ADAM12: variants seen among roughly 807,000 people sequenced by gnomAD.
The protein encoded by ADAM12 is ADAM metallopeptidase domain 12.
ADAM12 carries 70 observed loss-of-function variants against 106.4 expected under a neutral mutation model. The observed-to-expected ratio is 0.66, with a 90% CI of 0.54 to 0.80. The LOEUF is 0.80. Ranked by LOEUF, ADAM12 falls within the 30% of genes least tolerant of loss-of-function variation. The pLI is 0.00. For synonymous variants in ADAM12, 420 were observed against 433.5 expected (o/e 0.97, Z 0.39); for missense variants, 1,010 against 1,171.9 (o/e 0.86, Z 2.02).
chr10:126,058,090 G>T (rs1954672126), intron 14 of ADAM12, among the ~76,000 whole-genome samples: 1 of 152,146 alleles, frequency 6.6e-6, no homozygotes. Context: ...GGGCTCCCGT[G>T]TCCTTCAGGG....
intron 2 of ADAM12, among the ~76,000 whole-genome samples, chr10:126,307,014 C>G (rs769417455): frequency 1.4e-4 from 21 of 152,126 alleles, no homozygotes; most frequent in Non-Finnish European, 2.8e-4. Context: ...CACTTTTCAC[C>G]GTTCCATGTG....
chr10:126,369,170 G>A (rs931436699), intron 1 of ADAM12, among the ~76,000 whole-genome samples: 1 of 152,026 alleles, frequency 6.6e-6, no homozygotes, highest in Non-Finnish European at 1.5e-5. Context: ...TACATGAAAG[G>A]TTGTACAAAC....
intron 2 of ADAM12, among the ~76,000 whole-genome samples, chr10:126,317,235 C>A (rs1409456091): frequency 6.6e-6 from 1 of 152,122 alleles, no homozygotes; most frequent in Admixed American, 6.6e-5. Context: ...CCAGGTGAGG[C>A]CGAGGAACAC....
chr10:126,253,452 A>T (rs1229722208), intron 3 of ADAM12, among the ~76,000 whole-genome samples: 1 of 152,222 alleles, frequency 6.6e-6, no homozygotes, highest in African/African-American at 2.4e-5. Context: ...CAGAGGGGAA[A>T]GCTGCTCTAC....
chr10:126,359,700 A>C (rs933794441), intron 1 of ADAM12, among the ~76,000 whole-genome samples: 3 of 152,058 alleles, frequency 2.0e-5, no homozygotes, highest in Admixed American at 6.5e-5. Context: ...GCTGGTGTTG[A>C]GTGTCTGCAG....
intron 11 of ADAM12, among the ~76,000 whole-genome samples, chr10:126,080,944 G>T (rs1016587084): frequency 6.6e-6 from 1 of 152,126 alleles, no homozygotes; most frequent in Non-Finnish European, 1.5e-5. Flanking sequence ...ATATTCTTGG[G>T]GGTGAATCAC....
At chr10:126,334,521 G>A (rs116806476) in intron 1 of ADAM12, among the ~76,000 whole-genome samples, 1 of 152,250 alleles carries the variant, frequency 6.6e-6, no homozygotes, top group African/African-American at 2.4e-5. Flanking sequence ...CATGGGAAGT[G>A]TGTGCCTGCT....
At chr10:126,187,020 G>T (rs1957411376) in intron 3 of ADAM12, among the ~76,000 whole-genome samples, 1 of 152,118 alleles carries the variant, frequency 6.6e-6, no homozygotes, top group Admixed American at 6.5e-5. Flanking sequence ...CAAATTGCAT[G>T]GTCTTCCCCT....
At chr10:126,294,053 T>C (rs1324899363) in intron 2 of ADAM12, among the ~76,000 whole-genome samples, 4 of 152,242 alleles carry the variant, frequency 2.6e-5, no homozygotes, top group Non-Finnish European at 5.9e-5. Flanking sequence ...TGCTTCTTTG[T>C]ATATAGAAAG....
intron 14 of ADAM12, among the ~76,000 whole-genome samples, chr10:126,051,624 G>A (rs1039122717): frequency 1.4e-5 from 2 of 138,912 alleles, no homozygotes; most frequent in African/African-American, 2.7e-5. Flanking sequence ...CATCCAGCCA[G>A]CCACCCGTCC....
At chr10:126,338,275 C>T (rs974004769) in intron 1 of ADAM12, among the ~76,000 whole-genome samples, 17 of 83,578 alleles carry the variant, frequency 2.0e-4, no homozygotes, top group Non-Finnish European at 2.7e-4. Flanking sequence ...TTTTTTGAGA[C>T]GGAGTCTCGC....
intron 3 of ADAM12, among the ~76,000 whole-genome samples, chr10:126,225,238 T>C (rs1410858756): frequency 6.6e-6 from 1 of 152,182 alleles, no homozygotes; most frequent in African/African-American, 2.4e-5. Context: ...TAAAGCACCA[T>C]GTATATGTTT....
intron 5 of ADAM12, among the ~76,000 whole-genome samples, chr10:126,130,122 T>G (rs201982748): frequency 1.6e-3 from 242 of 152,308 alleles, no homozygotes; most frequent in African/African-American, 5.5e-3. Flanking sequence ...GCACACCACA[T>G]TTAACACAAT....
chr10:126,224,939 C>T (rs1039919670), intron 3 of ADAM12, among the ~76,000 whole-genome samples: 3 of 152,336 alleles, frequency 2.0e-5, no homozygotes, highest in South Asian at 2.1e-4. Flanking sequence ...AAGCCAGTCC[C>T]GCCACCCTCC....
At chr10:126,089,850 A>C (rs1955429201) in intron 11 of ADAM12, among the ~76,000 whole-genome samples, 1 of 152,010 alleles carries the variant, frequency 6.6e-6, no homozygotes, top group African/African-American at 2.4e-5. Context: ...GGCCTCCCCC[A>C]AACCCCCACT....
chr10:126,171,040 C>A (rs1957110922), intron 3 of ADAM12, among the ~76,000 whole-genome samples: 1 of 152,174 alleles, frequency 6.6e-6, no homozygotes, highest in African/African-American at 2.4e-5. Flanking sequence ...TACAGCTGGG[C>A]CTTTGAACTA....
intron 21 of ADAM12, among the ~76,000 whole-genome samples, chr10:126,033,246 A>G (rs1954000647): frequency 6.6e-6 from 1 of 152,200 alleles, no homozygotes. Context: ...TCAGCTGTAA[A>G]TCAGAATTTT....
At chr10:126,084,891 C>T (rs12245819) in intron 11 of ADAM12, among the ~76,000 whole-genome samples, 2,082 of 152,322 alleles carry the variant, frequency 0.014, 42 homozygotes, top group African/African-American at 0.048. Context: ...GCCCTCTGGC[C>T]TTCCTGAGCC....
chr10:126,352,901 T>G (rs938826707), intron 1 of ADAM12, among the ~76,000 whole-genome samples: 10 of 152,148 alleles, frequency 6.6e-5, no homozygotes, highest in African/African-American at 2.4e-4. Flanking sequence ...ATGGTTTCAG[T>G]GCAGACCATT....
Sources: gnomAD v4.1 joint callset for allele counts (sites outside exome capture counted in the v4.1 genomes callset) on GRCh38, gnomAD v4.1.1 for gene constraint, MANE v1.5 for transcripts, NCBI Gene and HGNC (gene_info 2026-07-23, HGNC 2026-07-21) for gene names.